Variants in SHANK2 observed in about 807,000 individuals in gnomAD.
SHANK2 encodes SH3 and multiple ankyrin repeat domains protein 2.
In SHANK2, 43 loss-of-function variants were observed where a neutral mutation model predicts 133.7. The ratio of observed to expected loss-of-function variants is 0.32; its 90% CI spans 0.25 to 0.41. SHANK2 has a LOEUF of 0.41. SHANK2 is among the 10% of genes least tolerant of loss of function. SHANK2 has a pLI of 1.00. For missense variants in SHANK2, 1,994 were observed against 2,235.8 expected, an observed-to-expected ratio of 0.89 and a Z score of 2.18; for synonymous variants, 1,017 against 952.8, an observed-to-expected ratio of 1.07 and a Z score of -1.24.
intron 8 of SHANK2, among the ~76,000 whole-genome samples, chr11:71,078,141 T>G (rs1951245527): frequency 6.8e-6 from 1 of 146,422 alleles, no homozygotes; most frequent in Non-Finnish European, 1.5e-5. Context: ...GAGCTTGAAA[T>G]ATCTTGTTGT....
chr11:71,212,235 T>C (rs1332944779), intron 2 of SHANK2, among the ~76,000 whole-genome samples: 1 of 152,180 alleles, frequency 6.6e-6, no homozygotes. Flanking sequence ...AGTTGGGTCT[T>C]AGAGACTCCT....
At chr11:70,845,627 A>T (rs1326809323) in intron 11 of SHANK2, among the ~76,000 whole-genome samples, 2 of 152,198 alleles carry the variant, frequency 1.3e-5, no homozygotes, top group Non-Finnish European at 2.9e-5. Context: ...GGAATGGCAG[A>T]CAACCTGGTG....
At chr11:70,837,438 C>T (rs1266526344) in intron 11 of SHANK2, among the ~76,000 whole-genome samples, 3 of 152,240 alleles carry the variant, frequency 2.0e-5, no homozygotes, top group East Asian at 1.9e-4. Flanking sequence ...TGTGCATTCA[C>T]GCTCATGGTC....
chr11:71,138,329 C>A (rs1952488643), intron 3 of SHANK2, among the ~76,000 whole-genome samples: 1 of 152,184 alleles, frequency 6.6e-6, no homozygotes, highest in Non-Finnish European at 1.5e-5. Flanking sequence ...TCAGACGTTG[C>A]CAGCACAGGT....
intron 9 of SHANK2, among the ~76,000 whole-genome samples, chr11:71,071,109 A>C (rs1951136104): frequency 6.6e-6 from 1 of 152,250 alleles, no homozygotes; most frequent in African/African-American, 2.4e-5. Context: ...TCAAGATAAA[A>C]TGTGCTTGCA....
chr11:70,630,077 G>A (rs782324554), intron 17 of SHANK2, among the ~76,000 whole-genome samples: 13 of 152,222 alleles, frequency 8.5e-5, no homozygotes, highest in Admixed American at 5.9e-4. Flanking sequence ...GCCCTGGTCC[G>A]GGAGATGCAC....
At chr11:70,528,984 G>A (rs2059434865) in intron 17 of SHANK2, among the ~76,000 whole-genome samples, 1 of 152,198 alleles carries the variant, frequency 6.6e-6, no homozygotes, top group Admixed American at 6.5e-5. Flanking sequence ...CTTAGGGGAG[G>A]AGACGGGATC....
At chr11:70,716,777 G>A (rs1555027365) in intron 14 of SHANK2, among the ~76,000 whole-genome samples, 1 of 152,146 alleles carries the variant, frequency 6.6e-6, no homozygotes, top group Admixed American at 6.5e-5. Context: ...ACTGGGCAGG[G>A]GTCACCGTAG....
chr11:71,089,335 G>A (rs943485848), intron 8 of SHANK2, among the ~76,000 whole-genome samples: 6 of 152,190 alleles, frequency 3.9e-5, no homozygotes, highest in South Asian at 2.1e-4. Context: ...GGGCGTGAGC[G>A]TCTGCATGGC....
At chr11:70,803,031 G>T (rs1948081143) in intron 13 of SHANK2, among the ~76,000 whole-genome samples, 2 of 152,126 alleles carry the variant, frequency 1.3e-5, no homozygotes, top group Admixed American at 1.3e-4. Flanking sequence ...TGGCAGGTGG[G>T]GGCGAGGACA....
chr11:70,824,172 G>A (rs1428736931), intron 11 of SHANK2, among the ~76,000 whole-genome samples: 2 of 151,924 alleles, frequency 1.3e-5, no homozygotes, highest in African/African-American at 2.4e-5. Context: ...GTTGTGACCC[G>A]GCGCACCTTC....
rs73525964 is a variant in SHANK2, at chr11:70,660,764, C to G, written c.1937-812G>C. Among the ~76,000 whole-genome samples, 497 of 152,344 alleles carry G rather than the reference C, an allele frequency of 3.3e-3. 5 individuals are homozygous for G. Among genetic ancestry groups the G allele is most frequent in the African/African-American group, 0.012 (480 of 41,574 alleles). ...ATCTGCTCTTTCTCTCTCTGGACAGCTCGCTATGGAGCTGCCTGAGTCTGA... is the reference window on the plus strand; with the variant it reads ...ATCTGCTCTTTCTCTCTCTGGACAGGTCGCTATGGAGCTGCCTGAGTCTGA... On this transcript the variant is annotated intron_variant, in intron 16 of 25. Transcript: ENST00000601538.
chr11:70,713,182 T>C (rs957670352), intron 14 of SHANK2, among the ~76,000 whole-genome samples: 5 of 152,242 alleles, frequency 3.3e-5, no homozygotes, highest in Non-Finnish European at 5.9e-5. Flanking sequence ...GCCAGATCTA[T>C]GGACTCCAAA....
intron 2 of SHANK2, among the ~76,000 whole-genome samples, chr11:71,189,300 G>A (rs193182260): frequency 1.3e-5 from 2 of 152,334 alleles, no homozygotes; most frequent in East Asian, 3.9e-4. Context: ...AGTCGCTGGT[G>A]CCTCGCTGGT....
intron 17 of SHANK2, among the ~76,000 whole-genome samples, chr11:70,659,478 T>G (rs782474050): frequency 2.0e-4 from 30 of 152,208 alleles, no homozygotes; most frequent in Non-Finnish European, 3.2e-4. Flanking sequence ...CGATGACTCC[T>G]CTTGGTGCCT....
At chr11:70,951,289 T>C (rs60819681) in intron 10 of SHANK2, among the ~76,000 whole-genome samples, 1,337 of 27,862 alleles carry the variant, frequency 0.048, 44 homozygotes, top group African/African-American at 0.075. Flanking sequence ...TTTCCCCTGG[T>C]TGCTGTGCCG....
At position 70,513,514 on chromosome 11, in the gene SHANK2, G is replaced by A. The variant is rs1230916159; in HGVS notation, c.2062-10583C>T. 3.3e-5 allele frequency among the ~76,000 whole-genome samples: 5 copies of A among 152,168 alleles called. 1 individual carries two copies. The highest frequency in any genetic ancestry group is 2.6e-4 in the Admixed American group (4 of 15,272). ...TCAAAGGAATGTAATATAATCCAGA[G>A]TTGCCAAAGCATAACATTCACGAAA... On this transcript the variant is annotated intron_variant, in intron 17 of 25. Transcript: ENST00000601538.
chr11:70,632,939 C>A (rs571988129), intron 17 of SHANK2, among the ~76,000 whole-genome samples: 1 of 151,898 alleles, frequency 6.6e-6, no homozygotes, highest in Admixed American at 6.6e-5. Context: ...TCCCAGTGAG[C>A]CCCTTGCATG....
chr11:70,488,392 G>A lies in SHANK2; in HGVS notation c.2573-672C>T, dbSNP rs189858098. On this transcript the variant is annotated intron_variant, in intron 24 of 25. Transcript: ENST00000601538. Reference sequence around the variant, plus strand: ...ACCCTGAGCGAAGCCATCTGCCCACGGTTGGCTCTGTGCGTGCTGGGAGGA... The same window carrying A: ...ACCCTGAGCGAAGCCATCTGCCCACAGTTGGCTCTGTGCGTGCTGGGAGGA... Among the ~76,000 whole-genome samples, 52 of 152,332 alleles carry A rather than the reference G, an allele frequency of 3.4e-4. No individual in the cohort carries two copies. In the South Asian group the frequency reaches 5.0e-3, roughly 15 times the overall value.
Sources: gnomAD v4.1 joint callset for allele counts (sites outside exome capture counted in the v4.1 genomes callset) on GRCh38, gnomAD v4.1.1 for gene constraint, MANE v1.5 for transcripts, NCBI Gene and HGNC (gene_info 2026-07-23, HGNC 2026-07-21) for gene names.